Variants in MRTFB observed in about 807,000 individuals in gnomAD.
The protein encoded by MRTFB is myocardin-related transcription factor B.
A neutral mutation model predicts 104.2 loss-of-function variants in MRTFB; 29 were observed. That is an observed-to-expected ratio of 0.28 (90% CI 0.21 to 0.38). MRTFB has a LOEUF of 0.38. MRTFB is among the 10% of genes least tolerant of loss of function. The pLI, the probability that MRTFB is intolerant of heterozygous loss-of-function variation, is 1.00. For missense variants in MRTFB, 1,270 were observed against 1,341.6 expected (o/e 0.95, Z 0.83); for synonymous variants, 535 against 519.5 (o/e 1.03, Z -0.41).
At chr16:14,024,172 T>C in the MRTFB span, among the ~76,000 whole-genome samples, 1 of 152,202 alleles carries the variant, frequency 6.6e-6, no homozygotes. Flanking sequence ...CTTCTTACCA[T>C]TTGCAATCAT....
Position 14,240,259 on chromosome 16 carries a change from A to G in MRTFB, c.854A>G (p.Asn285Ser). 1 of 1,601,282 alleles carries G rather than the reference A, an allele frequency of 6.2e-7. No individual in the cohort carries two copies. Among genetic ancestry groups the G allele is most frequent in the Non-Finnish European group, 8.5e-7 (1 of 1,174,956 alleles). ...LVKQSHPKNPNDKHRSKKCKD... is the reference protein window; with the variant it reads ...LVKQSHPKNPSDKHRSKKCKD... Reference sequence around the variant, plus strand: ...TAGCAAAGCCATCCCAAGAATCCAAATGACAAACACCGTAGCAAAAAGTGC... The same window carrying G: ...TAGCAAAGCCATCCCAAGAATCCAAGTGACAAACACCGTAGCAAAAAGTGC... Residue 285 changes from asparagine to serine, a missense_variant, in exon 10 of 17, where the codon AAT becomes AGT. Asn to Ser is a conservative substitution (Grantham distance 46). Coordinates refer to ENST00000571589, the MANE Select transcript of MRTFB (RefSeq NM_001308142.2).
At chr16:14,200,860 T>A (rs1341281083) in intron 3 of MRTFB, 2 of 1,457,384 alleles carry the variant, frequency 1.4e-6, no homozygotes, top group East Asian at 4.6e-5. Context: ...TGCCAACCTG[T>A]ATGGTTACCT....
At chr16:14,245,763 C>A in intron 11 of MRTFB, 103 bp downstream of exon 11, 1 of 1,206,134 alleles carries the variant, frequency 8.3e-7, no homozygotes, top group South Asian at 1.6e-5. Context: ...AGTAGACATT[C>A]AACTTTACCA....
the MRTFB span, among the ~76,000 whole-genome samples, chr16:14,057,789 T>A: frequency 6.6e-6 from 1 of 152,236 alleles, no homozygotes; most frequent in Non-Finnish European, 1.5e-5. Flanking sequence ...CAAGGCAAGA[T>A]TGGCTCACTC....
rs1414835666 is a variant in MRTFB, at chr16:14,079,847, G to T, written c.-64+493G>T. On this transcript the variant is annotated intron_variant, in intron 2 of 16. Transcript: ENST00000571589. ...CAACTTCTACCACCAAGAAATGACT[G>T]CTATTAATATTTTGGTGAACATACT... is the stretch of plus-strand genomic sequence containing the variant. Among the ~76,000 whole-genome samples, 3 of 151,850 alleles carry T rather than the reference G, an allele frequency of 2.0e-5. No homozygotes were observed. In the East Asian group the frequency reaches 5.8e-4, roughly 29 times the overall value.
At chr16:14,052,632 G>A in the MRTFB span, among the ~76,000 whole-genome samples, 8 of 151,590 alleles carry the variant, frequency 5.3e-5, no homozygotes, top group Admixed American at 4.6e-4. Flanking sequence ...CCAGCTATTC[G>A]GCAGTATGAG....
At chr16:14,185,737 T>G (rs927471365) in intron 3 of MRTFB, among the ~76,000 whole-genome samples, 3 of 152,134 alleles carry the variant, frequency 2.0e-5, no homozygotes, top group Admixed American at 1.3e-4. Flanking sequence ...ACTGCTCTTA[T>G]AACCTCTGAT....
Position 14,261,315 on chromosome 16 carries a change from C to A in MRTFB, c.3171C>A (p.Asp1057Glu), listed in dbSNP as rs369647078. Residue 1057 changes from aspartate (D) to glutamate (E), a missense_variant, in exon 17 of 17, where the codon GAC (aspartate) becomes GAA (glutamate). Transcript: ENST00000571589. ...TCGACCTGTCAGACTCAAACTTGGA[C>A]AACATGGAGTGGTTGGACATTACCA... ...LSLDLSDSNL[D>E]NMEWLDITMP... The A allele has an allele frequency of 1.9e-6, 3 of 1,614,158 alleles. No homozygotes were observed. In the South Asian group the frequency reaches 3.3e-5, roughly 18 times the overall value.
chr16:14,186,649 T>C lies in MRTFB; in HGVS notation c.155-23594T>C, dbSNP rs1043645311. The C allele has an allele frequency of 5.7e-6, 7 of 1,235,904 alleles. No homozygotes were observed. The African/African-American group carries it at 9.5e-5, about 17-fold the overall frequency. 76.6% of individuals were successfully genotyped at this position (1,235,904 alleles called of 1,614,324 possible). Reference sequence around the variant, plus strand: ...CTGGCTGGGAAAAGGGGTGGGATTTTAGAATCGTGCCTGTGTGGCTCTGCC... The same window carrying C: ...CTGGCTGGGAAAAGGGGTGGGATTTCAGAATCGTGCCTGTGTGGCTCTGCC... On this transcript the variant is annotated intron_variant, in intron 3 of 16. Transcript: ENST00000571589.
intron 8 of MRTFB, among the ~76,000 whole-genome samples, chr16:14,230,885 A>AGTCTATC (rs779155599): frequency 4.6e-5 from 7 of 151,210 alleles, no homozygotes; most frequent in Non-Finnish European, 4.4e-5. Flanking sequence ...AACCAACCCA[A>AGTCTATC]ATGTCCAACA....
At chr16:14,179,562 C>T (rs1400925556) in intron 3 of MRTFB, among the ~76,000 whole-genome samples, 2 of 152,168 alleles carry the variant, frequency 1.3e-5, no homozygotes, top group East Asian at 1.9e-4. Context: ...AGTGCTTGTT[C>T]TACCAAATCC....
the MRTFB span, among the ~76,000 whole-genome samples, chr16:14,005,301 G>A: frequency 6.6e-6 from 1 of 152,158 alleles, no homozygotes; most frequent in Non-Finnish European, 1.5e-5. Context: ...GGAAGTTGAG[G>A]CTCTTAAAGT....
chr16:14,149,852 A>G (rs2038524001), intron 3 of MRTFB, among the ~76,000 whole-genome samples: 1 of 152,356 alleles, frequency 6.6e-6, no homozygotes, highest in Non-Finnish European at 1.5e-5. Context: ...CCTAGTTTTA[A>G]AGAAGGAGGG....
the MRTFB span, among the ~76,000 whole-genome samples, chr16:14,061,726 A>C: frequency 2.0e-5 from 3 of 152,082 alleles, no homozygotes; most frequent in African/African-American, 7.2e-5. Context: ...CACCCATCAA[A>C]GAGAGAGTCA....
At chr16:14,069,729 G>C (rs1460541504), upstream of MRTFB, among the ~76,000 whole-genome samples, 1 of 152,174 alleles carries the variant, frequency 6.6e-6, no homozygotes, top group Non-Finnish European at 1.5e-5. Context: ...TGATCCTCCT[G>C]ACTGGACCTC....
intron 2 of MRTFB, among the ~76,000 whole-genome samples, chr16:14,140,114 G>A (rs533981738): frequency 6.6e-6 from 1 of 152,316 alleles, no homozygotes; most frequent in East Asian, 1.9e-4. Flanking sequence ...GCTGATAGAA[G>A]TCATTGTCTG....
At chr16:14,056,770 A>G in the MRTFB span, among the ~76,000 whole-genome samples, 2 of 151,696 alleles carry the variant, frequency 1.3e-5, no homozygotes, top group Admixed American at 6.6e-5. Context: ...CTATCTATGT[A>G]TCTATCTGTC....
intron 6 of MRTFB, 96 bp from the exon 7 acceptor site, chr16:14,217,030 C>G (rs2041458238): frequency 7.8e-7 from 1 of 1,278,306 alleles, no homozygotes; most frequent in African/African-American, 1.5e-5. Context: ...AAAAATGTGT[C>G]TAAATCAGTT....
intron 2 of MRTFB, among the ~76,000 whole-genome samples, chr16:14,136,677 A>T (rs1236659518): frequency 6.6e-6 from 1 of 152,144 alleles, no homozygotes; most frequent in Non-Finnish European, 1.5e-5. Context: ...GACAATTATT[A>T]TTGGTTCTAT....
Sources: gnomAD v4.1 joint callset for allele counts (sites outside exome capture counted in the v4.1 genomes callset) on GRCh38, gnomAD v4.1.1 for gene constraint, MANE v1.5 for transcripts, NCBI Gene and HGNC (gene_info 2026-07-23, HGNC 2026-07-21) for gene names.